Variants in ERC2 observed in about 807,000 individuals in gnomAD.
The protein encoded by ERC2 is ERC protein 2.
In ERC2, 42 loss-of-function variants were observed where a neutral mutation model predicts 114.8. That is an observed-to-expected ratio of 0.37 (90% CI 0.29 to 0.47). The LOEUF (loss-of-function observed/expected upper bound fraction) is 0.47, where lower values mean the gene tolerates loss of function less well. Among genes scored for constraint, ERC2 ranks in the 20% least tolerant of loss-of-function variants. ERC2 has a pLI of 0.99. For missense variants in ERC2, 939 were observed against 1,150.7 expected (o/e 0.82, Z 2.66); for synonymous variants, 454 against 425.5 (o/e 1.07, Z -0.82).
intron 7 of ERC2, among the ~76,000 whole-genome samples, chr3:56,053,367 G>GAGT (rs1202186484): frequency 6.6e-6 from 1 of 152,132 alleles, no homozygotes; most frequent in Non-Finnish European, 1.5e-5. Context: ...TGTGAGGGAT[G>GAGT]GGGAGAAGTG....
chr3:55,952,780 A>G (rs1298935017), intron 12 of ERC2, among the ~76,000 whole-genome samples: 1 of 152,152 alleles, frequency 6.6e-6, no homozygotes, highest in Non-Finnish European at 1.5e-5. Context: ...AGCTCCCACA[A>G]AGTTCTTGGA....
intron 14 of ERC2, among the ~76,000 whole-genome samples, chr3:55,757,400 T>C (rs548648575): frequency 2.2e-4 from 34 of 152,292 alleles, no homozygotes; most frequent in Admixed American, 5.9e-4. Context: ...GAGGTGAGTA[T>C]TGGCAATATG....
chr3:55,550,793 G>C (rs1007763961), intron 17 of ERC2, among the ~76,000 whole-genome samples: 12 of 152,174 alleles, frequency 7.9e-5, no homozygotes, highest in South Asian at 2.1e-4. Flanking sequence ...AAGGCGGGCA[G>C]ATCACGAGGT....
At position 56,434,931 on chromosome 3, in the gene ERC2, C is replaced by T. The variant is rs758640784; in HGVS notation, c.77G>A (p.Arg26His). 5.9e-5 allele frequency: 95 copies of T among 1,613,606 alleles called. No individual in the cohort carries two copies. Among genetic ancestry groups the T allele is most frequent in the Non-Finnish European group, 7.5e-5 (88 of 1,179,846 alleles). ...ACTACTTGTTCTTCGGTGGCCCAAA[C>T]GAGGAGACCTTGGCAAACGAGGGGA... is the stretch of plus-strand genomic sequence containing the variant. Reference protein sequence around the residue: ...SRSPRLPRSPRLGHRRTSSGG... With the variant: ...SRSPRLPRSPHLGHRRTSSGG... Residue 26 changes from arginine to histidine, a missense_variant, in exon 2 of 18, where the codon CGT (arginine) becomes CAT (histidine). Around this residue, in one of 5 missense-constraint regions of ERC2, gnomAD observed 281 missense variants for 307.4 expected, o/e 0.91. Transcript: ENST00000288221.
intron 2 of ERC2, among the ~76,000 whole-genome samples, chr3:56,300,458 C>T (rs1576337500): frequency 6.6e-6 from 1 of 152,076 alleles, no homozygotes; most frequent in East Asian, 1.9e-4. Flanking sequence ...GAAAACATCC[C>T]AAACCAAGAG....
intron 17 of ERC2, among the ~76,000 whole-genome samples, chr3:55,607,616 T>TG (rs1334728551): frequency 8.7e-5 from 7 of 80,244 alleles, no homozygotes; most frequent in Non-Finnish European, 1.6e-4. Flanking sequence ...AATAGTGTGT[T>TG]TTTTTTTTTT....
In ERC2 at chr3:56,434,908, T is replaced by G. The variant is rs200659859; in HGVS notation, c.100A>C (p.Ser34Arg). The G allele has an allele frequency of 2.0e-5, 32 of 1,613,782 alleles. No individual in the cohort carries two copies. In the African/African-American group the frequency reaches 4.0e-4, roughly 20 times the overall value. Residue 34 changes from serine (S) to arginine (R), a missense_variant, in exon 2 of 18, where the codon AGT becomes CGT. Ser to Arg is a moderately radical substitution (Grantham distance 110, BLOSUM62 -1). This residue lies in a region of ERC2 where 281 missense variants were observed against 307.4 expected (regional missense o/e 0.91). Transcript: ENST00000288221. Reference sequence around the variant, plus strand: ...TTGCCTGTTCCTCCACCTCCCCCACTACTTGTTCTTCGGTGGCCCAAACGA... The same window carrying G: ...TTGCCTGTTCCTCCACCTCCCCCACGACTTGTTCTTCGGTGGCCCAAACGA... ...SPRLGHRRTSSGGGGGTGKTL... is the reference protein window; with the variant it reads ...SPRLGHRRTSRGGGGGTGKTL...
At chr3:56,167,329 G>A (rs1054770846) in intron 4 of ERC2, among the ~76,000 whole-genome samples, 1 of 152,118 alleles carries the variant, frequency 6.6e-6, no homozygotes, top group Non-Finnish European at 1.5e-5. Context: ...AAACACTGGT[G>A]TTTATTATGC....
intron 17 of ERC2, among the ~76,000 whole-genome samples, chr3:55,545,170 T>G (rs1211462897): frequency 6.6e-6 from 1 of 152,156 alleles, no homozygotes; most frequent in African/African-American, 2.4e-5. Context: ...CAGTGCCCAT[T>G]CTCCATCCTC....
intron 3 of ERC2, among the ~76,000 whole-genome samples, chr3:56,189,087 T>C (rs60383545): frequency 0.081 from 12,262 of 152,278 alleles, 661 homozygotes; most frequent in Admixed American, 0.15. Context: ...AAGAGGTTAA[T>C]GGAGCAGCCT....
At chr3:55,752,679 T>G (rs1454436542) in intron 14 of ERC2, among the ~76,000 whole-genome samples, 1 of 152,210 alleles carries the variant, frequency 6.6e-6, no homozygotes, top group Non-Finnish European at 1.5e-5. Context: ...TGTTCCCATT[T>G]GACAGATAAG....
chr3:56,112,753 T>C (rs1277389229), intron 6 of ERC2, among the ~76,000 whole-genome samples: 1 of 152,100 alleles, frequency 6.6e-6, no homozygotes, highest in African/African-American at 2.4e-5. Flanking sequence ...AAAATAAAGA[T>C]AAAGATAATA....
At chr3:55,552,108 C>A (rs1198179903) in intron 17 of ERC2, among the ~76,000 whole-genome samples, 1 of 152,186 alleles carries the variant, frequency 6.6e-6, no homozygotes, top group African/African-American at 2.4e-5. Context: ...CTGTGAGAAA[C>A]CTGGCCTCTC....
At chr3:55,632,357 A>G (rs2059791447) in intron 17 of ERC2, among the ~76,000 whole-genome samples, 1 of 152,242 alleles carries the variant, frequency 6.6e-6, no homozygotes, top group African/African-American at 2.4e-5. Context: ...AAGGAGGCCC[A>G]GGGTACCAGG....
At chr3:55,518,780 C>T (rs960831320) in intron 17 of ERC2, among the ~76,000 whole-genome samples, 6 of 152,286 alleles carry the variant, frequency 3.9e-5, no homozygotes, top group Non-Finnish European at 5.9e-5. Context: ...CTATATAAAT[C>T]GCTGACAGAA....
intron 3 of ERC2, among the ~76,000 whole-genome samples, chr3:56,255,212 C>A (rs1160267917): frequency 6.6e-6 from 1 of 152,198 alleles, no homozygotes. Context: ...CTGGGGCACA[C>A]TTGTCCTCTA....
intron 13 of ERC2, among the ~76,000 whole-genome samples, chr3:55,892,493 A>G (rs1450131794): frequency 6.6e-6 from 1 of 152,256 alleles, no homozygotes; most frequent in Non-Finnish European, 1.5e-5. Flanking sequence ...ACTGCACTCC[A>G]GGCTGGGTGA....
chr3:56,159,248 T>A (rs2081921908), intron 4 of ERC2, among the ~76,000 whole-genome samples: 2 of 152,134 alleles, frequency 1.3e-5, no homozygotes, highest in Admixed American at 1.3e-4. Context: ...GTGAGCCAAT[T>A]AAACCTTTTT....
chr3:56,213,166 G>A (rs1368631235), intron 3 of ERC2, among the ~76,000 whole-genome samples: 1 of 152,152 alleles, frequency 6.6e-6, no homozygotes, highest in Non-Finnish European at 1.5e-5. Flanking sequence ...CGGAAAGTGG[G>A]TGCAGGACAG....
Sources: gnomAD v4.1 joint callset for allele counts (sites outside exome capture counted in the v4.1 genomes callset) on GRCh38, gnomAD v4.1.1 for gene constraint, gnomAD v4.1.1 regional missense constraint, MANE v1.5 for transcripts, NCBI Gene and HGNC (gene_info 2026-07-23, HGNC 2026-07-21) for gene names.